The following L3MBTL4 variants were observed in gnomAD, a reference collection of about 807,000 sequenced individuals.
L3MBTL4 encodes the protein lethal(3)malignant brain tumor-like protein 4.
Under a neutral mutation model 84.5 loss-of-function variants are expected in L3MBTL4, and 70 were observed. The observed-to-expected ratio is 0.83, with a 90% confidence interval of 0.68 to 1.01. L3MBTL4 has a LOEUF of 1.01. Among genes scored for constraint, L3MBTL4 ranks in the 50% least tolerant of loss-of-function variants. L3MBTL4 has a pLI of 0.00. For missense variants in L3MBTL4, 715 were observed against 754.8 expected (o/e 0.95, Z 0.62); for synonymous variants, 274 against 259.8 (o/e 1.05, Z -0.52).
At chr18:5,982,962 G>A (rs547577999) in intron 16 of L3MBTL4, among the ~76,000 whole-genome samples, 1 of 152,220 alleles carries the variant, frequency 6.6e-6, no homozygotes, top group Admixed American at 6.5e-5. Flanking sequence ...AACAACCGAG[G>A]GGCAATTGAG....
intron 16 of L3MBTL4, among the ~76,000 whole-genome samples, chr18:5,972,056 T>C (rs955157617): frequency 1.3e-5 from 2 of 152,158 alleles, no homozygotes; most frequent in African/African-American, 2.4e-5. Flanking sequence ...ATAGGCTGTA[T>C]ATGCCAAAGG....
intron 5 of L3MBTL4, among the ~76,000 whole-genome samples, chr18:6,247,352 T>G (rs1838124470): frequency 6.6e-6 from 1 of 151,996 alleles, no homozygotes; most frequent in African/African-American, 2.4e-5. Flanking sequence ...GGGTCGGATG[T>G]TACGAGTTGA....
At chr18:6,331,336 T>A (rs886988148) in intron 1 of L3MBTL4, among the ~76,000 whole-genome samples, 2 of 152,170 alleles carry the variant, frequency 1.3e-5, no homozygotes, top group African/African-American at 4.8e-5. Context: ...CGCTGAGAGA[T>A]CAGAGATCCA....
intron 1 of L3MBTL4, among the ~76,000 whole-genome samples, chr18:6,400,915 A>G (rs2055484830): frequency 6.6e-6 from 1 of 152,026 alleles, no homozygotes; most frequent in Non-Finnish European, 1.5e-5. Flanking sequence ...GCAAAACCTA[A>G]CTCGTGTTCT....
intron 5 of L3MBTL4, chr18:6,260,431 A>C (rs1276238229): frequency 2.0e-5 from 3 of 152,108 alleles, no homozygotes; most frequent in Non-Finnish European, 4.4e-5. Context: ...ATGTTTTTCC[A>C]GTTGTTTATA....
At chr18:6,006,298 T>C (rs2054483607) in intron 16 of L3MBTL4, among the ~76,000 whole-genome samples, 1 of 152,020 alleles carries the variant, frequency 6.6e-6, no homozygotes, top group East Asian at 1.9e-4. Context: ...GTTCCGACAA[T>C]GGAGAACACT....
chr18:6,166,558 C>A (rs1442798440), intron 13 of L3MBTL4, among the ~76,000 whole-genome samples: 1 of 152,156 alleles, frequency 6.6e-6, no homozygotes. Flanking sequence ...GGAAACTGAA[C>A]AACCTGCTCC....
Position 6,370,069 on chromosome 18 carries a change from G to A in L3MBTL4, c.-91+44732C>T, listed in dbSNP as rs138839563. Among the ~76,000 whole-genome samples the A allele has an allele frequency of 2.0e-5, 3 of 150,202 alleles. No homozygotes were observed. The East Asian group carries it at 6.0e-4, about 30-fold the overall frequency. On this transcript the variant is annotated intron_variant, in intron 1 of 18. Coordinates refer to ENST00000317931, the MANE Select transcript of L3MBTL4 (RefSeq NM_001330559.2). ...GAATTGCTTGAACCTGGGAGGCAGA[G>A]GTTGCAGTGAGCAGAGATCATGCCA... is the stretch of plus-strand genomic sequence containing the variant.
intron 16 of L3MBTL4, among the ~76,000 whole-genome samples, chr18:5,994,105 C>T (rs2145181316): frequency 6.6e-6 from 1 of 152,310 alleles, no homozygotes; most frequent in South Asian, 2.1e-4. Context: ...ACCTCCCTGT[C>T]CACCAGGCCC....
chr18:6,274,015 T>C (rs1232857700), intron 4 of L3MBTL4, among the ~76,000 whole-genome samples: 1 of 152,218 alleles, frequency 6.6e-6, no homozygotes, highest in Non-Finnish European at 1.5e-5. Context: ...AAAACAATCC[T>C]TCCAGGTGAT....
chr18:6,307,203 CA>C (rs1372741384), intron 3 of L3MBTL4, among the ~76,000 whole-genome samples: 3 of 151,770 alleles, frequency 2.0e-5, no homozygotes, highest in Non-Finnish European at 4.4e-5. Context: ...GAGGCCGAGG[CA>C]GGCGGATCAC....
intron 1 of L3MBTL4, among the ~76,000 whole-genome samples, chr18:6,341,059 C>T (rs536527260): frequency 2.6e-5 from 4 of 152,122 alleles, no homozygotes; most frequent in East Asian, 3.9e-4. Flanking sequence ...GATAAGGTCT[C>T]GAGACCTCCA....
At chr18:5,976,777 A>G (rs2052954807) in intron 16 of L3MBTL4, among the ~76,000 whole-genome samples, 1 of 152,162 alleles carries the variant, frequency 6.6e-6, no homozygotes. Flanking sequence ...AGGCAGGGAT[A>G]TTTTTCATTT....
At chr18:6,386,760 G>A (rs114667402) in intron 1 of L3MBTL4, among the ~76,000 whole-genome samples, 3 of 152,164 alleles carry the variant, frequency 2.0e-5, no homozygotes, top group African/African-American at 7.2e-5. Context: ...GTGCACAAAG[G>A]GGGAGAAGGC....
At chr18:6,359,825 C>T (rs573150986) in intron 1 of L3MBTL4, among the ~76,000 whole-genome samples, 3 of 152,020 alleles carry the variant, frequency 2.0e-5, no homozygotes, top group South Asian at 2.1e-4. Context: ...CTGCATCTCA[C>T]CCTTCATATT....
At chr18:6,142,293 C>T (rs1239322207) in intron 13 of L3MBTL4, among the ~76,000 whole-genome samples, 2 of 152,180 alleles carry the variant, frequency 1.3e-5, no homozygotes, top group Non-Finnish European at 2.9e-5. Flanking sequence ...GTGAGTGTTC[C>T]ACAGTTCTTC....
intron 14 of L3MBTL4, among the ~76,000 whole-genome samples, chr18:6,114,458 G>A (rs977845342): frequency 6.6e-6 from 1 of 152,032 alleles, no homozygotes; most frequent in Non-Finnish European, 1.5e-5. Flanking sequence ...TAAGTTATCT[G>A]TATTCATATA....
At chr18:6,194,425 C>T (rs1279411174) in intron 12 of L3MBTL4, among the ~76,000 whole-genome samples, 2 of 152,054 alleles carry the variant, frequency 1.3e-5, no homozygotes, top group Non-Finnish European at 2.9e-5. Context: ...TCACAGCCGT[C>T]GTTACCATTT....
chr18:6,118,984 T>G (rs1024537913), intron 14 of L3MBTL4, among the ~76,000 whole-genome samples: 9 of 149,572 alleles, frequency 6.0e-5, no homozygotes, highest in Non-Finnish European at 1.2e-4. Context: ...GCACAGTTTT[T>G]TTTGGTTTCT....
Sources: gnomAD v4.1 joint callset for allele counts (sites outside exome capture counted in the v4.1 genomes callset) on GRCh38, gnomAD v4.1.1 for gene constraint, MANE v1.5 for transcripts, NCBI Gene and HGNC (gene_info 2026-07-23, HGNC 2026-07-21) for gene names.